TECPR2: variants seen among roughly 807,000 people sequenced by gnomAD.
TECPR2 encodes the protein tectonin beta-propeller repeat-containing protein 2.
A neutral mutation model predicts 138.1 loss-of-function variants in TECPR2; 65 were observed. That is an observed-to-expected ratio of 0.47 (90% confidence interval 0.39 to 0.58). The LOEUF (loss-of-function observed/expected upper bound fraction) is 0.58. TECPR2 is among the 20% of genes least tolerant of loss of function. The pLI is 0.00. For synonymous variants in TECPR2, 746 were observed against 749.8 expected (o/e 0.99, Z 0.08); for missense variants, 1,553 against 1,824.5 (o/e 0.85, Z 2.71).
intron 17 of TECPR2, among the ~76,000 whole-genome samples, chr14:102,491,553 A>G (rs558429833): frequency 6.6e-6 from 1 of 152,086 alleles, no homozygotes; most frequent in South Asian, 2.1e-4. Flanking sequence ...TTCCCACGTC[A>G]CTCAGAATGA....
At chr14:102,497,351 G>C (rs1181708501) in intron 18 of TECPR2, among the ~76,000 whole-genome samples, 1 of 151,970 alleles carries the variant, frequency 6.6e-6, no homozygotes, top group Admixed American at 6.6e-5. Context: ...ACACTGCCCA[G>C]GCCCTTCTGT....
chr14:102,409,692 TG>T (rs1595108622), intron 4 of TECPR2, among the ~76,000 whole-genome samples: 2 of 152,240 alleles, frequency 1.3e-5, no homozygotes, highest in African/African-American at 4.8e-5. Flanking sequence ...TCTCAAGCTT[TG>T]TAGTCACAGG....
Position 102,483,944 on chromosome 14 carries a change from C to A in TECPR2, c.3790-13035C>A, listed in dbSNP as rs187405631. Among the ~76,000 whole-genome samples, 45 of 109,560 alleles carry A rather than the reference C, an allele frequency of 4.1e-4. 3 individuals carry two copies. The East Asian group carries it at 9.0e-3, about 22-fold the overall frequency. The allele number at this position is 109,560 out of a possible 152,430, so 71.9% of individuals were successfully genotyped here. A position where few individuals can be genotyped will look rare whatever the true frequency, so the allele number is the denominator to read the frequency against. On this transcript the variant is annotated intron_variant, in intron 17 of 19. Coordinates refer to ENST00000359520, the MANE Select transcript of TECPR2 (RefSeq NM_014844.5). ...CCCACGTAGCTGGGATTATAGGCAC[C>A]TGCCACCATGCCTGGCTGATTCTTA...
chr14:102,408,108 A>G (rs138796995), intron 3 of TECPR2, among the ~76,000 whole-genome samples: 3 of 152,158 alleles, frequency 2.0e-5, no homozygotes, highest in Non-Finnish European at 4.4e-5. Flanking sequence ...GGCAGAGGTC[A>G]CAGTGAGCTG....
At position 102,443,654 on chromosome 14, in the gene TECPR2, C is replaced by G; in HGVS notation, c.2760C>G (p.Ser920Arg). The part of the protein sequence containing the change: ...SGDLYLQTGL[S>R]VDRPCARAVK... ...TTCCCATCTTCCTGGCAGGTCTGAG[C>G]GTGGATCGCCCTTGTGCCAGAGCCG... Residue 920 changes from serine to arginine, a missense_variant, in exon 12 of 20, where the codon AGC becomes AGG. Transcript: ENST00000359520. This position sits in a 1 kb window ranked among gnomAD's most constrained non-coding sequence, Gnocchi z 4.9. The G allele has an allele frequency of 6.3e-7, 1 of 1,584,588 alleles. No homozygotes were observed. Among genetic ancestry groups the G allele is most frequent in the Non-Finnish European group, 8.6e-7 (1 of 1,159,090 alleles).
chr14:102,444,077 A>G (rs1889906302), intron 12 of TECPR2, among the ~76,000 whole-genome samples: 2 of 152,022 alleles, frequency 1.3e-5, no homozygotes, highest in African/African-American at 4.8e-5. Flanking sequence ...GTCTGTCATG[A>G]CGGTCTCTAT....
At chr14:102,392,340 G>T (rs1467621828) in intron 2 of TECPR2, among the ~76,000 whole-genome samples, 1 of 152,090 alleles carries the variant, frequency 6.6e-6, no homozygotes, top group East Asian at 1.9e-4. Flanking sequence ...TCTCTTCTAT[G>T]TCTCTAAACT....
At chr14:102,388,853 C>T (rs1273569338) in intron 2 of TECPR2, among the ~76,000 whole-genome samples, 2 of 150,822 alleles carry the variant, frequency 1.3e-5, no homozygotes, top group Non-Finnish European at 2.9e-5. Flanking sequence ...CCCAGCTACT[C>T]GGGAGGCTGA....
chr14:102,478,845 A>G (rs917933820), intron 17 of TECPR2, among the ~76,000 whole-genome samples: 3 of 151,744 alleles, frequency 2.0e-5, no homozygotes, highest in Non-Finnish European at 4.4e-5. Flanking sequence ...GTAAAACCCC[A>G]TCTCTACCAA....
intron 17 of TECPR2, among the ~76,000 whole-genome samples, chr14:102,481,450 G>T (rs1209745258): frequency 6.6e-6 from 1 of 152,176 alleles, no homozygotes; most frequent in Non-Finnish European, 1.5e-5. Flanking sequence ...CACCGAGCCT[G>T]GTTTTTATTT....
intron 11 of TECPR2, among the ~76,000 whole-genome samples, chr14:102,441,099 C>G (rs1399720803): frequency 6.6e-6 from 1 of 152,114 alleles, no homozygotes; most frequent in Non-Finnish European, 1.5e-5. Flanking sequence ...GAGTCTCGCT[C>G]TCTTGCCCAG....
chr14:102,390,097 TAC>T (rs2139673776), intron 2 of TECPR2, among the ~76,000 whole-genome samples: 1 of 152,340 alleles, frequency 6.6e-6, no homozygotes, highest in East Asian at 1.9e-4. Context: ...AGCTTTGACC[TAC>T]TAAAAGCAGC....
intron 2 of TECPR2, among the ~76,000 whole-genome samples, chr14:102,384,674 C>T (rs1051606941): frequency 3.2e-4 from 40 of 124,140 alleles, no homozygotes; most frequent in African/African-American, 1.0e-3. Flanking sequence ...AAGACACCAC[C>T]TCAAAAAAAA....
In TECPR2 at chr14:102,450,613, G is replaced by C; in HGVS notation, c.3370G>C (p.Ala1124Pro). The C allele has an allele frequency of 6.2e-7, 1 of 1,614,188 alleles. No individual in the cohort carries two copies. Among genetic ancestry groups the C allele is most frequent in the Non-Finnish European group, 8.5e-7 (1 of 1,180,022 alleles). The change falls in exon 15 of 20, where the codon GCC becomes CCC. Residue 1124 changes from alanine to proline, a missense_variant. Coordinates refer to ENST00000359520, the MANE Select transcript of TECPR2 (RefSeq NM_014844.5). ...PRGTASATKW[A>P]FVLASAAPTK... The stretch of plus-strand genomic sequence containing the variant: ...TGGGACAGCTTCTGCTACAAAATGG[G>C]CCTTTGTGTTGGCTTCTGCAGCTCC...
intron 7 of TECPR2, 146 bp downstream of exon 7, chr14:102,428,528 A>C (rs1423433453): frequency 1.6e-6 from 2 of 1,253,658 alleles, no homozygotes; most frequent in East Asian, 2.6e-5. Context: ...TGGGAGGCTG[A>C]GGTGGGTGGA....
rs1891383861 is a variant in TECPR2 at position 102,499,343 on chromosome 14, C to A, written c.*1086C>A. 3 of 601,128 alleles carry A rather than the reference C, an allele frequency of 5.0e-6. No homozygotes were observed. 37.2% of individuals were successfully genotyped at this position (601,128 alleles called of 1,614,324 possible). On this transcript the variant is annotated 3_prime_UTR_variant, in exon 20 of 20. Transcript: ENST00000359520. ...CCTTTGTTGTTGTATTACAAATCTG[C>A]ATAAAATACCTCATTTCAAATCAAA... is the stretch of plus-strand genomic sequence containing the variant.
At chr14:102,369,462 C>T (rs571585088) in intron 1 of TECPR2, among the ~76,000 whole-genome samples, 47 of 152,210 alleles carry the variant, frequency 3.1e-4, no homozygotes, top group South Asian at 6.2e-4. Context: ...GATCATGGCT[C>T]ACTGCAGCCT....
intron 5 of TECPR2, among the ~76,000 whole-genome samples, chr14:102,416,621 G>A (rs909875417): frequency 1.3e-5 from 2 of 152,248 alleles, no homozygotes; most frequent in Non-Finnish European, 2.9e-5. Flanking sequence ...AAGGAAGGCA[G>A]AGTGTAAAGA....
chr14:102,497,643 G>A lies in TECPR2; in HGVS notation c.4005G>A (p.Arg1335=). 1 of 1,609,400 alleles carries A rather than the reference G, an allele frequency of 6.2e-7. No individual in the cohort carries two copies. The highest frequency in any genetic ancestry group is 8.5e-7 in the Non-Finnish European group (1 of 1,178,560). ...WARCPNGDLA[R]RYGVTDKNPA... ...GCTGTCCAAACGGAGACCTCGCCCG[G>A]CGGTACGGCGTCACAGACAAGAACC... The change falls in exon 19 of 20, where the codon CGG becomes CGA. Residue 1335 remains arginine, a synonymous_variant. Coordinates refer to ENST00000359520, the MANE Select transcript of TECPR2 (RefSeq NM_014844.5).
Sources: gnomAD v4.1 joint callset for allele counts (sites outside exome capture counted in the v4.1 genomes callset) on GRCh38, gnomAD v4.1.1 for gene constraint, Gnocchi (gnomAD v3.1) non-coding constraint, MANE v1.5 for transcripts, NCBI Gene and HGNC (gene_info 2026-07-23, HGNC 2026-07-21) for gene names.